Variants in NRG1 observed in about 807,000 individuals in gnomAD.
The protein encoded by NRG1 is pro-neuregulin-1, membrane-bound isoform.
A neutral mutation model predicts 63.8 loss-of-function variants in NRG1; 18 were observed. The observed-to-expected ratio is 0.28, with a 90% CI of 0.19 to 0.42. The LOEUF (loss-of-function observed/expected upper bound fraction) is 0.42, where lower values mean the gene tolerates loss of function less well. Among genes scored for constraint, NRG1 ranks in the 10% least tolerant of loss-of-function variants. The probability of loss-of-function intolerance (pLI) is 1.00; values close to 1 mark genes in which losing one functional copy is unlikely to be tolerated. For synonymous variants in NRG1, 302 were observed against 301.3 expected, an observed-to-expected ratio of 1.00 and a Z score of -0.02; for missense variants, 762 against 814.7, an observed-to-expected ratio of 0.94 and a Z score of 0.79.
chr8:32,150,208 G>T (rs1201007268), intron 1 of NRG1, among the ~76,000 whole-genome samples: 1 of 152,040 alleles, frequency 6.6e-6, no homozygotes, highest in Admixed American at 6.6e-5. Context: ...AACCCAAAAG[G>T]TTGAAAGCCT....
chr8:31,760,489 G>T (rs1016868252), intron 1 of NRG1, among the ~76,000 whole-genome samples: 4 of 152,062 alleles, frequency 2.6e-5, no homozygotes, highest in Non-Finnish European at 5.9e-5. Flanking sequence ...CACAGCAAAA[G>T]AAACTATCAT....
intron 1 of NRG1, among the ~76,000 whole-genome samples, chr8:31,717,458 TG>T (rs1445640771): frequency 6.7e-6 from 1 of 149,088 alleles, no homozygotes; most frequent in Non-Finnish European, 1.5e-5. Context: ...TGTGTTAACA[TG>T]GGGGCCTGGG....
At chr8:31,648,084 A>C in intron 1 of NRG1, among the ~76,000 whole-genome samples, 1 of 141,756 alleles carries the variant, frequency 7.1e-6, no homozygotes, top group African/African-American at 2.7e-5. Context: ...CCTTTTCCCC[A>C]ATCACCATTC....
chr8:32,640,112 A>G (rs72634871), intron 5 of NRG1, among the ~76,000 whole-genome samples: 16,997 of 152,278 alleles, frequency 0.11, 1,020 homozygotes, highest in Middle Eastern at 0.18. Context: ...AATGAGACAC[A>G]GCAAAGATAT....
chr8:32,102,912 G>T (rs1830758246), intron 1 of NRG1, among the ~76,000 whole-genome samples: 1 of 151,786 alleles, frequency 6.6e-6, no homozygotes, highest in Admixed American at 6.6e-5. Context: ...TCTAATTTTT[G>T]TAGGTACACA....
intron 1 of NRG1, among the ~76,000 whole-genome samples, chr8:32,412,400 C>CTT (rs1491560932): frequency 9.7e-5 from 1 of 10,320 alleles, no homozygotes; most frequent in Admixed American, 1.5e-3. Flanking sequence ...TCTCTCTCTC[C>CTT]TCTCTCTCTC....
chr8:31,879,720 C>G (rs1214190372), intron 1 of NRG1, among the ~76,000 whole-genome samples: 2 of 152,164 alleles, frequency 1.3e-5, no homozygotes, highest in Non-Finnish European at 2.9e-5. Context: ...ACCCTCCACC[C>G]TCAAGTAGAC....
intron 1 of NRG1, among the ~76,000 whole-genome samples, chr8:32,397,881 C>T (rs1812647125): frequency 6.6e-6 from 1 of 152,172 alleles, no homozygotes; most frequent in Non-Finnish European, 1.5e-5. Flanking sequence ...TTTAAAGTAT[C>T]ATCCATCTGA....
intron 1 of NRG1, among the ~76,000 whole-genome samples, chr8:32,490,898 C>T (rs1235492321): frequency 6.6e-6 from 1 of 152,158 alleles, no homozygotes; most frequent in African/African-American, 2.4e-5. Context: ...CCATTCAGCA[C>T]TCCTGTTGTG....
intron 1 of NRG1, among the ~76,000 whole-genome samples, chr8:31,678,312 G>A (rs952017028): frequency 1.3e-5 from 2 of 152,006 alleles, no homozygotes; most frequent in African/African-American, 2.4e-5. Context: ...ATTCACAGTA[G>A]CATTTGAAAC....
At chr8:32,764,586 A>C in exon 12 of NRG1, 1 of 506,406 alleles carries the variant, frequency 2.0e-6, no homozygotes, top group Non-Finnish European at 3.3e-6. Context: ...AATTTTTTAC[A>C]GTATTTCAAA....
intron 1 of NRG1, among the ~76,000 whole-genome samples, chr8:31,969,970 C>G (rs1807016531): frequency 6.6e-6 from 1 of 151,938 alleles, no homozygotes; most frequent in African/African-American, 2.4e-5. Context: ...AGTTGTGAGA[C>G]CATGATTCAC....
intron 1 of NRG1, among the ~76,000 whole-genome samples, chr8:31,800,514 T>C (rs139585340): frequency 1.2e-3 from 178 of 152,324 alleles, no homozygotes; most frequent in African/African-American, 3.9e-3. Flanking sequence ...ATTAGGACGA[T>C]CTTCACCTAA....
intron 1 of NRG1, among the ~76,000 whole-genome samples, chr8:32,127,000 C>T (rs1240453013): frequency 1.3e-5 from 2 of 151,954 alleles, no homozygotes; most frequent in South Asian, 2.1e-4. Context: ...AGTGGAGACA[C>T]TTCAGTTCAA....
chr8:32,618,983 C>T (rs541515807), intron 5 of NRG1, among the ~76,000 whole-genome samples: 24 of 152,152 alleles, frequency 1.6e-4, no homozygotes, highest in African/African-American at 3.6e-4. Context: ...GAGGCCAAGG[C>T]GGGAAGATTG....
At chr8:31,976,044 G>A (rs766804651) in intron 1 of NRG1, among the ~76,000 whole-genome samples, 98 of 152,140 alleles carry the variant, frequency 6.4e-4, no homozygotes, top group Non-Finnish European at 1.1e-3. Flanking sequence ...AGCTTACCTA[G>A]TGACTACAAC....
At chr8:32,150,356 CAT>C (rs1254329983) in intron 1 of NRG1, among the ~76,000 whole-genome samples, 1 of 152,184 alleles carries the variant, frequency 6.6e-6, no homozygotes, top group Non-Finnish European at 1.5e-5. Context: ...CTTCAAAATT[CAT>C]ATGTTGGATC....
rs10091492 is a variant in NRG1, at chr8:32,742,390, A to T, written c.633-285A>T. Among the ~76,000 whole-genome samples, 2,115 of 152,248 alleles carry T rather than the reference A, an allele frequency of 0.014. 44 individuals carry two copies. Among genetic ancestry groups the T allele is most frequent in the African/African-American group, 0.044 (1,828 of 41,542 alleles). On this transcript the variant is annotated intron_variant, in intron 6 of 11. Transcript: ENST00000356819. This position sits in a 1 kb window ranked among gnomAD's most constrained non-coding sequence, Gnocchi z 4.2. Reference sequence around the variant, plus strand: ...CATATGGAAAACTGAGATGAATAAAACATCGGATTTCATTTTAAGGGGTTC... The same window carrying T: ...CATATGGAAAACTGAGATGAATAAATCATCGGATTTCATTTTAAGGGGTTC...
chr8:31,982,906 G>A (rs573843180), intron 1 of NRG1, among the ~76,000 whole-genome samples: 31 of 152,130 alleles, frequency 2.0e-4, no homozygotes, highest in East Asian at 7.8e-4. Flanking sequence ...TATTCCTGCC[G>A]AGTAATCAGT....
Sources: gnomAD v4.1 joint callset for allele counts (sites outside exome capture counted in the v4.1 genomes callset) on GRCh38, gnomAD v4.1.1 for gene constraint, Gnocchi (gnomAD v3.1) non-coding constraint, MANE v1.5 for transcripts, NCBI Gene and HGNC (gene_info 2026-07-23, HGNC 2026-07-21) for gene names.